SUMF1: variants seen among roughly 807,000 people sequenced by gnomAD.
SUMF1 encodes formylglycine-generating enzyme.
Under a neutral mutation model 47.6 loss-of-function variants are expected in SUMF1, and 48 were observed. That is an observed-to-expected ratio of 1.01 (90% confidence interval 0.80 to 1.28). The LOEUF (loss-of-function observed/expected upper bound fraction) is 1.28. Among genes scored for constraint, SUMF1 ranks in the 50% most tolerant of loss-of-function variants. The pLI, the probability that SUMF1 is intolerant of heterozygous loss-of-function variation, is 0.00. For synonymous variants in SUMF1, 230 were observed against 192.1 expected (o/e 1.20, Z -1.63); for missense variants, 571 against 485.4 (o/e 1.18, Z -1.66).
chr3:4,350,162 G>A (rs1477365085), intron 8 of SUMF1, among the ~76,000 whole-genome samples: 2 of 151,504 alleles, frequency 1.3e-5, no homozygotes, highest in Non-Finnish European at 2.9e-5. Flanking sequence ...CACCACGCCA[G>A]GCTAATTTTT....
At chr3:4,104,262 G>A (rs779931914) in intron 8 of SUMF1, among the ~76,000 whole-genome samples, 9 of 151,924 alleles carry the variant, frequency 5.9e-5, no homozygotes, top group Non-Finnish European at 1.0e-4. Flanking sequence ...TCATTCTCTC[G>A]TCTGCCACCA....
At chr3:4,293,339 T>C (rs2125056874) in intron 8 of SUMF1, among the ~76,000 whole-genome samples, 1 of 152,336 alleles carries the variant, frequency 6.6e-6, no homozygotes, top group East Asian at 1.9e-4. Context: ...CTTCCTTGAC[T>C]TTCTATTCTG....
At chr3:4,259,759 T>C (rs577373088) in intron 8 of SUMF1, among the ~76,000 whole-genome samples, 32 of 152,298 alleles carry the variant, frequency 2.1e-4, no homozygotes, top group African/African-American at 7.2e-4. Flanking sequence ...AAAATAAATA[T>C]ATTACATTTT....
intron 9 of SUMF1, among the ~76,000 whole-genome samples, chr3:4,038,224 C>A (rs1469965302): frequency 6.6e-6 from 1 of 152,148 alleles, no homozygotes; most frequent in Non-Finnish European, 1.5e-5. Flanking sequence ...GGGGGCTCCA[C>A]CCCAGAGATA....
rs146978455 is a variant in SUMF1 at position 4,235,020 on chromosome 3, C to T, written c.1014+141310G>A. Among the ~76,000 whole-genome samples, 1,294 of 152,138 alleles carry T rather than the reference C, an allele frequency of 8.5e-3. 13 individuals carry two copies. Among genetic ancestry groups the T allele is most frequent in the Non-Finnish European group, 0.013 (866 of 67,992 alleles). Reference sequence around the variant, plus strand: ...AATTTGTATTTTAAAAAGATCACTCCGGCTGCAGTTGGGTGAATAAATTTG... The same window carrying T: ...AATTTGTATTTTAAAAAGATCACTCTGGCTGCAGTTGGGTGAATAAATTTG... On this transcript the variant is annotated intron_variant and NMD_transcript_variant, in intron 8 of 12. Transcript: ENST00000448413.
chr3:4,229,161 AAC>A, intron 8 of SUMF1: 1 of 202,374 alleles, frequency 4.9e-6, no homozygotes, highest in Non-Finnish European at 1.0e-5. Flanking sequence ...TGAACAAATA[AAC>A]ACACTCTGTG....
intron 8 of SUMF1, among the ~76,000 whole-genome samples, chr3:4,098,710 C>T (rs371717502): frequency 6.6e-6 from 1 of 152,078 alleles, no homozygotes; most frequent in African/African-American, 2.4e-5. Flanking sequence ...ACTTTGAAAC[C>T]TTTGGGATGT....
chr3:4,236,708 T>C (rs1260710630), intron 8 of SUMF1, among the ~76,000 whole-genome samples: 2 of 152,184 alleles, frequency 1.3e-5, no homozygotes, highest in East Asian at 3.9e-4. Flanking sequence ...CATCCTGTGC[T>C]AGAGCAGTAT....
At chr3:4,284,743 A>G (rs1441355146) in intron 8 of SUMF1, among the ~76,000 whole-genome samples, 1 of 152,162 alleles carries the variant, frequency 6.6e-6, no homozygotes, top group Non-Finnish European at 1.5e-5. Flanking sequence ...AAATAGTACC[A>G]TAGATTCCAA....
At chr3:4,093,231 T>C (rs115031354) in intron 8 of SUMF1, among the ~76,000 whole-genome samples, 203 of 152,266 alleles carry the variant, frequency 1.3e-3, no homozygotes, top group African/African-American at 4.6e-3. Context: ...ACCTAGCACA[T>C]AGCAAGTATT....
chr3:4,456,617 A>T (rs1270312473), intron 1 of SUMF1, among the ~76,000 whole-genome samples: 2 of 124,248 alleles, frequency 1.6e-5, no homozygotes, highest in African/African-American at 5.7e-5. Flanking sequence ...ACACCAGGCT[A>T]ATATATATAT....
At chr3:4,363,410 T>C (rs1445836778) in intron 8 of SUMF1, among the ~76,000 whole-genome samples, 1 of 152,218 alleles carries the variant, frequency 6.6e-6, no homozygotes, top group South Asian at 2.1e-4. Flanking sequence ...GAGCAGTGGT[T>C]TGTAGTTCTC....
Position 4,200,055 on chromosome 3 carries a change from AG to A in SUMF1, c.1015-131311del, listed in dbSNP as rs1695509136. ...GTTCATGTGTTTTGTGCCTAGCCCA[AG>A]GTCACAAATTTTTTCTCTCATCTTT... On this transcript the variant is annotated intron_variant and NMD_transcript_variant, in intron 8 of 12. Coordinates refer to the SUMF1 transcript ENST00000448413. 3.3e-5 allele frequency among the ~76,000 whole-genome samples: 5 copies of A among 152,164 alleles called. No individual in the cohort carries two copies. The South Asian group carries it at 1.0e-3, about 32-fold the overall frequency.
intron 8 of SUMF1, among the ~76,000 whole-genome samples, chr3:4,300,376 T>G (rs2125063314): frequency 6.6e-6 from 1 of 152,326 alleles, no homozygotes; most frequent in Non-Finnish European, 1.5e-5. Context: ...ACCTCTTTTC[T>G]TTATAAATTA....
At chr3:4,299,736 A>C (rs1207047999) in intron 8 of SUMF1, among the ~76,000 whole-genome samples, 1 of 152,116 alleles carries the variant, frequency 6.6e-6, no homozygotes, top group Non-Finnish European at 1.5e-5. Context: ...CTTGAACCCA[A>C]GAGGTGGAGG....
intron 8 of SUMF1, among the ~76,000 whole-genome samples, chr3:4,099,820 C>T (rs1197389709): frequency 6.6e-6 from 1 of 150,970 alleles, no homozygotes; most frequent in Non-Finnish European, 1.5e-5. Flanking sequence ...CACAAACTGT[C>T]TGAAAAAAGA....
At chr3:4,174,094 C>T (rs1288884261) in intron 8 of SUMF1, among the ~76,000 whole-genome samples, 4 of 151,974 alleles carry the variant, frequency 2.6e-5, no homozygotes, top group Non-Finnish European at 1.5e-5. Flanking sequence ...CGGTGGCTCA[C>T]GCCTGTAATC....
rs539976265 is a variant in SUMF1, at chr3:4,227,516, G to A, written c.1014+148814C>T. 2.0e-5 allele frequency among the ~76,000 whole-genome samples: 3 copies of A among 152,160 alleles called. No homozygotes were observed. The East Asian group carries it at 5.8e-4, about 29-fold the overall frequency. ...CCTGTTCCTCCCCGCCGGACTTCCT[G>A]AGTCACCCCTCCCTCACACAGATAG... On this transcript the variant is annotated intron_variant and NMD_transcript_variant, in intron 8 of 12. Coordinates refer to the SUMF1 transcript ENST00000448413.
intron 7 of SUMF1, among the ~76,000 whole-genome samples, chr3:4,391,483 A>T (rs911044533): frequency 4.6e-5 from 7 of 151,928 alleles, no homozygotes; most frequent in African/African-American, 1.7e-4. Context: ...TGCTTTTTAA[A>T]TTTTTATGTA....
Sources: gnomAD v4.1 joint callset for allele counts (sites outside exome capture counted in the v4.1 genomes callset) on GRCh38, gnomAD v4.1.1 for gene constraint, MANE v1.5 for transcripts, NCBI Gene and HGNC (gene_info 2026-07-23, HGNC 2026-07-21) for gene names.